The following VPS54 variants were observed in gnomAD, a reference collection of about 807,000 sequenced individuals.
The protein encoded by VPS54 is vacuolar protein sorting-associated protein 54.
VPS54 carries 45 observed loss-of-function variants against 121.5 expected under a neutral mutation model. The observed-to-expected ratio is 0.37, with a 90% CI of 0.29 to 0.47. The LOEUF is 0.47. Ranked by LOEUF, VPS54 falls within the 20% of genes least tolerant of loss-of-function variation. The pLI is 0.99. For synonymous variants in VPS54, 371 were observed against 385.8 expected (o/e 0.96, Z 0.45); for missense variants, 1,090 against 1,131.4 (o/e 0.96, Z 0.52).
At chr2:63,997,671 G>C (rs973566617) in intron 1 of VPS54, among the ~76,000 whole-genome samples, 1 of 151,248 alleles carries the variant, frequency 6.6e-6, no homozygotes, top group Admixed American at 6.6e-5. Context: ...TTGATCTTTT[G>C]TCCTGTTTCT....
At chr2:63,936,815 T>C (rs918126557) in intron 11 of VPS54, among the ~76,000 whole-genome samples, 16 of 152,118 alleles carry the variant, frequency 1.1e-4, no homozygotes, top group African/African-American at 3.6e-4. Flanking sequence ...GAGTGACATA[T>C]AGAATAGAGA....
At chr2:63,998,215 T>TAA (rs879643544) in intron 1 of VPS54, among the ~76,000 whole-genome samples, 20 of 152,316 alleles carry the variant, frequency 1.3e-4, no homozygotes, top group Non-Finnish European at 2.6e-4. Context: ...TGTCTCTTCT[T>TAA]ATAGTTTGTG....
intron 12 of VPS54, among the ~76,000 whole-genome samples, 195 bp from the exon 13 acceptor site, chr2:63,921,530 T>C (rs1242048346): frequency 1.3e-5 from 2 of 152,158 alleles, no homozygotes; most frequent in Non-Finnish European, 2.9e-5. Flanking sequence ...CTATTATCTA[T>C]ATTATTATTT....
intron 1 of VPS54, among the ~76,000 whole-genome samples, chr2:63,985,935 T>C (rs1355441256): frequency 6.6e-6 from 1 of 152,152 alleles, no homozygotes; most frequent in Non-Finnish European, 1.5e-5. Context: ...TAAAGGATAA[T>C]ACACATACTT....
chr2:63,989,166 C>T (rs1193019530), intron 1 of VPS54, among the ~76,000 whole-genome samples: 2 of 152,112 alleles, frequency 1.3e-5, no homozygotes, highest in African/African-American at 4.8e-5. Context: ...TCTCTCAAAC[C>T]CTGTTTCCTG....
intron 7 of VPS54, among the ~76,000 whole-genome samples, chr2:63,958,964 C>G (rs1213679307): frequency 1.3e-5 from 2 of 152,086 alleles, no homozygotes; most frequent in East Asian, 3.9e-4. Context: ...TAGAATATTT[C>G]TTATTTCCTA....
intron 11 of VPS54, among the ~76,000 whole-genome samples, chr2:63,940,499 A>G (rs955967600): frequency 1.3e-5 from 2 of 152,238 alleles, no homozygotes; most frequent in African/African-American, 4.8e-5. Flanking sequence ...TAACTACAGT[A>G]AATCCTCACT....
At chr2:63,962,934 A>T (rs1675834585) in intron 6 of VPS54, among the ~76,000 whole-genome samples, 1 of 152,142 alleles carries the variant, frequency 6.6e-6, no homozygotes, top group South Asian at 2.1e-4. Flanking sequence ...CAATCTTGAA[A>T]TATAGGTAGT....
At chr2:63,914,574 A>G (rs1197895005) in intron 16 of VPS54, among the ~76,000 whole-genome samples, 1 of 152,184 alleles carries the variant, frequency 6.6e-6, no homozygotes, top group African/African-American at 2.4e-5. Flanking sequence ...ATTCTGTACA[A>G]CAGGCATAAT....
intron 13 of VPS54, 83 bp from the exon 14 acceptor site, chr2:63,920,710 A>T: frequency 1.3e-6 from 1 of 745,596 alleles, no homozygotes; most frequent in African/African-American, 1.8e-5. Flanking sequence ...GATTATTATA[A>T]TCTATATATT....
rs1672262562 is a variant in VPS54, at chr2:63,892,495, A to G, written c.*935T>C. 6.6e-6 allele frequency: 1 copy of G among 152,610 alleles called. No individual in the cohort carries two copies. The highest frequency in any genetic ancestry group is 2.4e-5 in the African/African-American group (1 of 41,454). The allele number at this position is 152,610 out of a possible 1,614,324, so 9.5% of individuals were successfully genotyped here. A position where few individuals can be genotyped will look rare whatever the true frequency, so the allele number is the denominator to read the frequency against. ...CTCCCTGGTCTTTGTTCGTATACAC[A>G]TCGAAAGTAACTTAAAAACAAGGAT... On this transcript the variant is annotated 3_prime_UTR_variant, in exon 23 of 23. Coordinates refer to ENST00000272322, the MANE Select transcript of VPS54 (RefSeq NM_016516.3).
chr2:63,961,265 G>A (rs1675756754), intron 7 of VPS54, among the ~76,000 whole-genome samples: 1 of 152,136 alleles, frequency 6.6e-6, no homozygotes, highest in South Asian at 2.1e-4. Context: ...TTTGGTTTCA[G>A]CTTTAAAAAT....
Position 63,934,020 on chromosome 2 carries a change from G to C in VPS54, c.1399-7C>G, listed in dbSNP as rs780388296. 1.9e-6 allele frequency: 3 copies of C among 1,606,060 alleles called. No homozygotes were observed. The highest frequency in any genetic ancestry group is 1.3e-5 in the African/African-American group (1 of 74,630). On this transcript the variant is annotated splice_region_variant and splice_polypyrimidine_tract_variant and intron_variant, in intron 11 of 22. Transcript: ENST00000272322. ...GAATGATATTTAATGTTGCCTACAA[G>C]AAAATAGGACACACTTTTAAGGGAC...
In VPS54 at chr2:63,962,383, C is replaced by G. The variant is rs1388776075; in HGVS notation, c.685G>C (p.Glu229Gln). ...NIAHQISLRS[E>Q]AFFHAMTSQH... ...GAGGTCATTGCATGAAAAAATGCTT[C>G]TGAACGTAGAGAGATCTGGTGAGCA... is the stretch of plus-strand genomic sequence containing the variant. Residue 229 changes from glutamate to glutamine, a missense_variant, in exon 7 of 23, where the codon GAA becomes CAA. Glu to Gln is a conservative substitution (Grantham distance 29). Around this residue, in one of 2 missense-constraint regions of VPS54, gnomAD observed 801 missense variants for 757.0 expected, o/e 1.06. Transcript: ENST00000272322. The G allele has an allele frequency of 3.7e-6, 6 of 1,613,720 alleles. No homozygotes were observed. Among genetic ancestry groups the G allele is most frequent in the Admixed American group, 1.7e-5 (1 of 59,980 alleles).
intron 12 of VPS54, among the ~76,000 whole-genome samples, chr2:63,933,099 C>G (rs1674289954): frequency 6.6e-6 from 1 of 151,978 alleles, no homozygotes; most frequent in East Asian, 1.9e-4. Context: ...AGTATTAACA[C>G]CTGGGGAATC....
chr2:64,013,723 G>T (rs1023546448), intron 1 of VPS54, among the ~76,000 whole-genome samples: 32 of 146,148 alleles, frequency 2.2e-4, no homozygotes, highest in South Asian at 4.3e-4. Context: ...CATATAGAGA[G>T]ATATATATAT....
At chr2:63,912,240 A>G (rs1394804093) in intron 20 of VPS54, 105 bp downstream of exon 20, 1 of 1,101,770 alleles carries the variant, frequency 9.1e-7, no homozygotes, top group Non-Finnish European at 1.3e-6. Context: ...ATATCCTATG[A>G]AAGTTTAGAT....
intron 12 of VPS54, among the ~76,000 whole-genome samples, chr2:63,931,334 C>T (rs1209896890): frequency 6.6e-6 from 1 of 152,060 alleles, no homozygotes; most frequent in Non-Finnish European, 1.5e-5. Flanking sequence ...AGAACAGAGG[C>T]CTCAGAAATA....
In VPS54 at chr2:63,905,579, G is replaced by A. The variant is rs147821276; in HGVS notation, c.2626-5998C>T. Among the ~76,000 whole-genome samples the A allele has an allele frequency of 2.7e-3, 403 of 151,624 alleles. 3 individuals carry two copies. The highest frequency in any genetic ancestry group is 4.6e-3 in the Non-Finnish European group (313 of 67,858). On this transcript the variant is annotated intron_variant, in intron 20 of 22. Coordinates refer to ENST00000272322, the MANE Select transcript of VPS54 (RefSeq NM_016516.3). The stretch of plus-strand genomic sequence containing the variant: ...AAGAACAAAGACCAAATGGCTTTAC[G>A]GGTAAATTCTAACCTAAAACTTGGG...
Sources: gnomAD v4.1 joint callset for allele counts (sites outside exome capture counted in the v4.1 genomes callset) on GRCh38, gnomAD v4.1.1 for gene constraint, gnomAD v4.1.1 regional missense constraint, MANE v1.5 for transcripts, NCBI Gene and HGNC (gene_info 2026-07-23, HGNC 2026-07-21) for gene names.